Variants in SLC24A2 observed in about 807,000 individuals in gnomAD.
SLC24A2 encodes solute carrier family 24 member 2.
SLC24A2 carries 36 observed loss-of-function variants against 62.0 expected under a neutral mutation model. That is an observed-to-expected ratio of 0.58 (90% CI 0.44 to 0.77). The LOEUF (loss-of-function observed/expected upper bound fraction) is 0.77. SLC24A2 is among the 30% of genes least tolerant of loss of function. The probability of loss-of-function intolerance (pLI) is 0.00; values close to 1 mark genes in which losing one functional copy is unlikely to be tolerated. For synonymous variants in SLC24A2, 358 were observed against 294.0 expected (o/e 1.22, Z -2.23); for missense variants, 846 against 817.9 (o/e 1.03, Z -0.42).
At chr9:19,611,863 G>C (rs1021615924) in intron 4 of SLC24A2, among the ~76,000 whole-genome samples, 1 of 152,150 alleles carries the variant, frequency 6.6e-6, no homozygotes, top group African/African-American at 2.4e-5. Flanking sequence ...GTGGTCCTGG[G>C]AAAATAGATT....
the SLC24A2 span, among the ~76,000 whole-genome samples, chr9:19,818,197 CTCCAGTTCA>C: frequency 2.6e-5 from 4 of 152,042 alleles, no homozygotes; most frequent in African/African-American, 9.7e-5. Context: ...TGTAACATTC[CTCCAGTTCA>C]TCCAGCTCTG....
intron 2 of SLC24A2, among the ~76,000 whole-genome samples, chr9:19,782,438 A>G (rs949326213): frequency 6.6e-6 from 1 of 152,224 alleles, no homozygotes; most frequent in African/African-American, 2.4e-5. Flanking sequence ...AAAATTCCAA[A>G]TAATAAAATC....
the SLC24A2 span, among the ~76,000 whole-genome samples, chr9:20,061,604 C>A: frequency 6.6e-6 from 1 of 152,230 alleles, no homozygotes; most frequent in Admixed American, 6.5e-5. Context: ...TGATTTTTAA[C>A]AAAAGTGCCA....
the SLC24A2 span, among the ~76,000 whole-genome samples, chr9:20,022,504 C>T: frequency 6.6e-6 from 1 of 152,296 alleles, no homozygotes; most frequent in South Asian, 2.1e-4. Flanking sequence ...GGTCACAGGC[C>T]ATGTGCTCAG....
chr9:19,736,775 C>A (rs1821523203), intron 2 of SLC24A2, among the ~76,000 whole-genome samples: 1 of 152,144 alleles, frequency 6.6e-6, no homozygotes, highest in Non-Finnish European at 1.5e-5. Context: ...TCCCTTGAGA[C>A]CAGGAGTTTA....
At chr9:19,868,274 ATTGT>A in the SLC24A2 span, among the ~76,000 whole-genome samples, 3 of 151,974 alleles carry the variant, frequency 2.0e-5, no homozygotes, top group Non-Finnish European at 4.4e-5. Context: ...TTAGAGGCTT[ATTGT>A]TTATTTTCAA....
chr9:20,284,525 A>G, the SLC24A2 span, among the ~76,000 whole-genome samples: 4 of 115,160 alleles, frequency 3.5e-5, no homozygotes, highest in South Asian at 8.6e-4. Flanking sequence ...AATAAGCTTA[A>G]AACACATTTT....
chr9:19,516,051 A>G lies in SLC24A2; in HGVS notation c.*102T>C. ...CACCAAGGAGGGACACTTGGCACCC[A>G]GGGCTGTGTGCCAGCTGCCTCTTCT... On this transcript the variant is annotated 3_prime_UTR_variant, in exon 11 of 11. Coordinates refer to ENST00000341998, the MANE Select transcript of SLC24A2 (RefSeq NM_020344.4). 6.9e-7 allele frequency: 1 copy of G among 1,441,966 alleles called. No homozygotes were observed. The highest frequency in any genetic ancestry group is 9.8e-7 in the Non-Finnish European group (1 of 1,025,042). The allele number at this position is 1,441,966 out of a possible 1,614,324, so 89.3% of individuals were successfully genotyped here.
the SLC24A2 span, among the ~76,000 whole-genome samples, chr9:20,009,869 T>C: frequency 3.3e-5 from 5 of 152,112 alleles, no homozygotes; most frequent in African/African-American, 1.2e-4. Flanking sequence ...TACCCACACA[T>C]ATCTGTGGAG....
At chr9:19,573,596 G>T in intron 6 of SLC24A2, 127 bp from the exon 7 acceptor site, 1 of 812,736 alleles carries the variant, frequency 1.2e-6, no homozygotes, top group South Asian at 1.3e-5. Flanking sequence ...ATATTGAAAA[G>T]AGTTTCCTAA....
the SLC24A2 span, among the ~76,000 whole-genome samples, chr9:20,291,720 G>A: frequency 6.6e-6 from 1 of 152,268 alleles, no homozygotes; most frequent in East Asian, 1.9e-4. Flanking sequence ...ATATTATAGA[G>A]GATCTTGAAT....
chr9:19,710,324 C>A lies in SLC24A2; in HGVS notation c.930+75613G>T, dbSNP rs563321761. On this transcript the variant is annotated intron_variant, in intron 2 of 10. Coordinates refer to ENST00000341998, the MANE Select transcript of SLC24A2 (RefSeq NM_020344.4). ...TAAGGGGACATAACCAAGGAAAACA[C>A]AATTACCTGCAGTGTCACAAGTGCC... Among the ~76,000 whole-genome samples the A allele has an allele frequency of 5.3e-5, 8 of 152,216 alleles. No individual in the cohort carries two copies. The South Asian group carries it at 1.5e-3, about 28-fold the overall frequency.
chr9:20,041,244 C>T, the SLC24A2 span, among the ~76,000 whole-genome samples: 3 of 152,234 alleles, frequency 2.0e-5, no homozygotes, highest in African/African-American at 4.8e-5. Flanking sequence ...TACAAAGCAG[C>T]AGCCCCTCCT....
chr9:20,236,383 C>T, the SLC24A2 span, among the ~76,000 whole-genome samples: 1 of 152,148 alleles, frequency 6.6e-6, no homozygotes, highest in African/African-American at 2.4e-5. Context: ...ACAGAAACAG[C>T]TGTTTATTGA....
chr9:20,189,285 C>G, the SLC24A2 span, among the ~76,000 whole-genome samples: 1 of 152,048 alleles, frequency 6.6e-6, no homozygotes, highest in East Asian at 1.9e-4. Context: ...TTCTTAAGAG[C>G]CAGAGTTTCC....
chr9:19,872,517 A>T, the SLC24A2 span, among the ~76,000 whole-genome samples: 1 of 151,254 alleles, frequency 6.6e-6, no homozygotes, highest in Admixed American at 6.6e-5. Flanking sequence ...CTCTCCTCTC[A>T]TTTTCTGTCC....
the SLC24A2 span, among the ~76,000 whole-genome samples, chr9:20,065,523 C>G: frequency 6.6e-6 from 1 of 152,182 alleles, no homozygotes; most frequent in Non-Finnish European, 1.5e-5. Flanking sequence ...ATGACAAGCA[C>G]TATTAGGTAC....
chr9:20,109,742 C>T, the SLC24A2 span, among the ~76,000 whole-genome samples: 1 of 152,110 alleles, frequency 6.6e-6, no homozygotes, highest in African/African-American at 2.4e-5. Context: ...AAATCATGGC[C>T]ATGAGTACAA....
the SLC24A2 span, among the ~76,000 whole-genome samples, chr9:20,131,399 T>C: frequency 2.0e-5 from 3 of 152,082 alleles, no homozygotes; most frequent in Non-Finnish European, 2.9e-5. Context: ...ATAATTTGAA[T>C]GCAGGGATAA....
Sources: allele counts gnomAD v4.1 joint callset (sites outside exome capture counted in the v4.1 genomes callset), GRCh38; gene constraint gnomAD v4.1.1; transcripts MANE v1.5; gene names NCBI Gene and HGNC (gene_info 2026-07-23, HGNC 2026-07-21).